Variants in DLG2 observed in about 807,000 individuals in gnomAD.
DLG2 encodes the protein discs large MAGUK scaffold protein 2.
Under a neutral mutation model 132.5 loss-of-function variants are expected in DLG2, and 45 were observed. The observed-to-expected ratio is 0.34, with a 90% CI of 0.27 to 0.44. DLG2 has a LOEUF of 0.44. Ranked by LOEUF, DLG2 falls within the 20% of genes least tolerant of loss-of-function variation. The pLI, the probability that DLG2 is intolerant of heterozygous loss-of-function variation, is 1.00. For missense variants in DLG2, 1,045 were observed against 1,196.9 expected, an observed-to-expected ratio of 0.87 and a Z score of 1.87; for synonymous variants, 424 against 419.6, an observed-to-expected ratio of 1.01 and a Z score of -0.13.
chr11:85,044,421 T>C (rs956945284), intron 6 of DLG2, among the ~76,000 whole-genome samples: 4 of 152,048 alleles, frequency 2.6e-5, no homozygotes, highest in African/African-American at 9.7e-5. Flanking sequence ...GTCTTGAGAC[T>C]AGATGGTATA....
Position 83,991,876 on chromosome 11 carries a change from C to T in DLG2, c.920-11234G>A, listed in dbSNP as rs2077731. Among the ~76,000 whole-genome samples the T allele has an allele frequency of 8.3e-3, 1,257 of 152,208 alleles. 19 individuals are homozygous for T. The highest frequency in any genetic ancestry group is 0.029 in the African/African-American group (1,189 of 41,522). On this transcript the variant is annotated intron_variant, in intron 11 of 27. Coordinates refer to ENST00000376104, the MANE Select transcript of DLG2 (RefSeq NM_001142699.3). ...ACCTTATTTGGAAAGAAGTTCTTTG[C>T]AGATGTGACTTAAGAAGATGAGGTT...
chr11:84,416,541 T>C (rs374063123), intron 7 of DLG2, among the ~76,000 whole-genome samples: 11 of 152,318 alleles, frequency 7.2e-5, no homozygotes, highest in African/African-American at 2.6e-4. Flanking sequence ...AAATAACATA[T>C]TCTGCTAGAT....
intron 7 of DLG2, among the ~76,000 whole-genome samples, chr11:84,346,585 C>CT (rs1311843937): frequency 6.6e-6 from 1 of 152,144 alleles, no homozygotes; most frequent in Non-Finnish European, 1.5e-5. Flanking sequence ...CTGCAGTTTT[C>CT]TTTTTTGTTT....
At chr11:85,558,879 C>T (rs756557345) in intron 3 of DLG2, among the ~76,000 whole-genome samples, 3 of 151,794 alleles carry the variant, frequency 2.0e-5, no homozygotes, top group Non-Finnish European at 4.4e-5. Flanking sequence ...ATACCTCAAA[C>T]CTCAGCATCA....
intron 3 of DLG2, chr11:85,285,978 T>A: frequency 9.4e-6 from 3 of 319,668 alleles, no homozygotes; most frequent in South Asian, 2.5e-5. Flanking sequence ...AAAAAAAAAA[T>A]CATGTAGGAA....
intron 7 of DLG2, among the ~76,000 whole-genome samples, chr11:84,345,772 C>T (rs1344484858): frequency 6.6e-6 from 1 of 152,140 alleles, no homozygotes; most frequent in Non-Finnish European, 1.5e-5. Flanking sequence ...ATCCTTCTCA[C>T]TTCCTGTTTT....
chr11:84,418,359 C>T (rs902855782), intron 7 of DLG2, among the ~76,000 whole-genome samples: 1 of 152,084 alleles, frequency 6.6e-6, no homozygotes, highest in Admixed American at 6.5e-5. Context: ...AGAAGAGCAA[C>T]AATACTAGTC....
chr11:84,864,146 C>T (rs1294712336), intron 6 of DLG2, among the ~76,000 whole-genome samples: 1 of 152,136 alleles, frequency 6.6e-6, no homozygotes, highest in Non-Finnish European at 1.5e-5. Flanking sequence ...AATTCTCTGA[C>T]TACATGTTTG....
intron 6 of DLG2, among the ~76,000 whole-genome samples, chr11:84,661,800 T>G (rs948692968): frequency 6.6e-6 from 1 of 152,140 alleles, no homozygotes; most frequent in Non-Finnish European, 1.5e-5. Context: ...TTGGCAGGAC[T>G]TAGCAAAGTC....
chr11:85,503,672 C>T (rs1365119572), intron 3 of DLG2, among the ~76,000 whole-genome samples: 1 of 152,046 alleles, frequency 6.6e-6, no homozygotes, highest in East Asian at 1.9e-4. Context: ...TGACCCATGC[C>T]TGTAATCCCA....
At chr11:84,261,934 T>C (rs1439278464) in intron 7 of DLG2, among the ~76,000 whole-genome samples, 1 of 152,126 alleles carries the variant, frequency 6.6e-6, no homozygotes, top group African/African-American at 2.4e-5. Context: ...CTTGATGGTG[T>C]CCATGTGTGA....
chr11:83,889,168 A>C lies in DLG2; in HGVS notation c.1497-14680T>G, dbSNP rs1005855799. Among the ~76,000 whole-genome samples the C allele has an allele frequency of 2.6e-4, 40 of 152,084 alleles. No homozygotes were observed. The South Asian group carries it at 3.9e-3, about 15-fold the overall frequency. On this transcript the variant is annotated intron_variant, in intron 15 of 27. Transcript: ENST00000376104. ...AGAAACTACCATCAGAGTGAACAGG[A>C]AACCTACAAAATGGGAGAAAATTTT...
chr11:85,048,926 T>G (rs187234755), intron 6 of DLG2, among the ~76,000 whole-genome samples: 1 of 152,208 alleles, frequency 6.6e-6, no homozygotes, highest in Admixed American at 6.5e-5. Flanking sequence ...TTGCCTAAAG[T>G]TCTTCCCTTT....
intron 7 of DLG2, among the ~76,000 whole-genome samples, chr11:84,428,487 A>G (rs1337726936): frequency 2.0e-5 from 3 of 152,224 alleles, no homozygotes; most frequent in African/African-American, 7.2e-5. Context: ...TGGGAAGTAT[A>G]AGATCAAGGT....
At chr11:84,858,789 A>G (rs2083146839) in intron 6 of DLG2, among the ~76,000 whole-genome samples, 1 of 152,062 alleles carries the variant, frequency 6.6e-6, no homozygotes. Context: ...CTTTAAAACT[A>G]ACATCATGGG....
intron 6 of DLG2, among the ~76,000 whole-genome samples, chr11:84,947,943 C>G (rs1011861180): frequency 1.3e-5 from 2 of 152,146 alleles, no homozygotes; most frequent in African/African-American, 4.8e-5. Context: ...TGTCCTAGAG[C>G]AATGATAGGT....
chr11:83,628,847 G>A (rs2063073769), intron 19 of DLG2, among the ~76,000 whole-genome samples: 1 of 152,036 alleles, frequency 6.6e-6, no homozygotes. Context: ...ACCCATTAGT[G>A]AGTTATTAAA....
intron 10 of DLG2, among the ~76,000 whole-genome samples, chr11:84,088,785 T>C (rs768989793): frequency 6.6e-6 from 1 of 152,178 alleles, no homozygotes; most frequent in Non-Finnish European, 1.5e-5. Flanking sequence ...TCCTTAAGAA[T>C]GAGTCCATTG....
rs544158625 is a variant in DLG2, at chr11:83,896,865, T to A, written c.1497-22377A>T. Reference sequence around the variant, plus strand: ...TAAATATATGATGTGAAATTATGTATAATAAATCAGTCTAGGGCAAAATAT... The same window carrying A: ...TAAATATATGATGTGAAATTATGTAAAATAAATCAGTCTAGGGCAAAATAT... On this transcript the variant is annotated intron_variant, in intron 15 of 27. Transcript: ENST00000376104. 1.6e-4 allele frequency among the ~76,000 whole-genome samples: 24 copies of A among 152,328 alleles called. No individual in the cohort carries two copies. The East Asian group carries it at 4.6e-3, about 29-fold the overall frequency.
Sources: allele counts gnomAD v4.1 joint callset (sites outside exome capture counted in the v4.1 genomes callset), GRCh38; gene constraint gnomAD v4.1.1; transcripts MANE v1.5; gene names NCBI Gene and HGNC (gene_info 2026-07-23, HGNC 2026-07-21).